The following TRIM44 variants were observed in gnomAD, a reference collection of about 807,000 sequenced individuals.
The protein encoded by TRIM44 is tripartite motif containing 44.
A neutral mutation model predicts 37.4 loss-of-function variants in TRIM44; 13 were observed. The observed-to-expected ratio is 0.35, with a 90% CI of 0.23 to 0.55. The LOEUF (loss-of-function observed/expected upper bound fraction) is 0.55, where lower values mean the gene tolerates loss of function less well. Ranked by LOEUF, TRIM44 falls within the 20% of genes least tolerant of loss-of-function variation. The pLI, the probability that TRIM44 is intolerant of heterozygous loss-of-function variation, is 0.89. For synonymous variants in TRIM44, 175 were observed against 157.2 expected (o/e 1.11, Z -0.85); for missense variants, 426 against 437.2 (o/e 0.97, Z 0.23).
rs564429811 is a variant in TRIM44, at chr11:35,776,346, G to C, written c.1008-30012G>C. ...TTTATTGTGTCTATTTGATTCTTCT[G>C]TTTTCTTCTGTATTAGTCTTTCTAG... is the stretch of plus-strand genomic sequence containing the variant. On this transcript the variant is annotated intron_variant, in intron 4 of 4. Coordinates refer to ENST00000299413, the MANE Select transcript of TRIM44 (RefSeq NM_017583.6). Among the ~76,000 whole-genome samples the C allele has an allele frequency of 1.9e-3, 285 of 151,912 alleles. 2 individuals are homozygous for C. The highest frequency in any genetic ancestry group is 6.6e-3 in the African/African-American group (274 of 41,484).
chr11:35,748,141 G>A (rs1187868497), intron 4 of TRIM44, among the ~76,000 whole-genome samples: 2 of 152,056 alleles, frequency 1.3e-5, no homozygotes, highest in South Asian at 2.1e-4. Flanking sequence ...AATACAGGGG[G>A]CCACATGAAT....
At chr11:35,670,766 C>T (rs1851385028) in intron 1 of TRIM44, among the ~76,000 whole-genome samples, 1 of 152,130 alleles carries the variant, frequency 6.6e-6, no homozygotes, top group South Asian at 2.1e-4. Context: ...CTTGTCATGT[C>T]TCACAGTTTT....
chr11:35,767,428 AATC>A (rs1353104481), intron 4 of TRIM44, among the ~76,000 whole-genome samples: 1 of 152,088 alleles, frequency 6.6e-6, no homozygotes, highest in African/African-American at 2.4e-5. Flanking sequence ...TGCAATAGAT[AATC>A]CTCAGTACTA....
rs571316708 is a variant in TRIM44, at chr11:35,758,264, T to C, written c.1007+22819T>C. Reference sequence around the variant, plus strand: ...TTTGCCATTATGTAATGGCCTTCTTTGTCTCTTTTGATCTTTGTTGGTTTA... The same window carrying C: ...TTTGCCATTATGTAATGGCCTTCTTCGTCTCTTTTGATCTTTGTTGGTTTA... On this transcript the variant is annotated intron_variant, in intron 4 of 4. Transcript: ENST00000299413. Among the ~76,000 whole-genome samples, 10 of 152,358 alleles carry C rather than the reference T, an allele frequency of 6.6e-5. No homozygotes were observed. The South Asian group carries it at 2.1e-3, about 32-fold the overall frequency.
At chr11:35,793,825 T>C (rs1263742509) in intron 4 of TRIM44, among the ~76,000 whole-genome samples, 1 of 152,156 alleles carries the variant, frequency 6.6e-6, no homozygotes, top group South Asian at 2.1e-4. Flanking sequence ...TGTGGGACCT[T>C]GGGATGTTAC....
intron 1 of TRIM44, among the ~76,000 whole-genome samples, chr11:35,668,671 C>A (rs1851358413): frequency 6.6e-6 from 1 of 152,230 alleles, no homozygotes; most frequent in African/African-American, 2.4e-5. Context: ...CTGCAGTGAA[C>A]ATACACGTGC....
rs540892756 is a variant in TRIM44 at position 35,817,732 on chromosome 11, G to T, written c.*11347G>T. ...CCAATGCTGGAGGTGGGACCTGGTG[G>T]GAAGATTGGATCATGGGGGAGTTTT... On this transcript the variant is annotated 3_prime_UTR_variant, in exon 5 of 5. Coordinates refer to ENST00000299413, the MANE Select transcript of TRIM44 (RefSeq NM_017583.6). 97 of 152,272 alleles carry T rather than the reference G, an allele frequency of 6.4e-4. No homozygotes were observed. Among genetic ancestry groups the T allele is most frequent in the African/African-American group, 2.3e-3 (96 of 41,544 alleles). The allele number at this position is 152,272 out of a possible 1,614,324, so 9.4% of individuals were successfully genotyped here.
rs570570305 is a variant in TRIM44 at position 35,787,750 on chromosome 11, A to C, written c.1008-18608A>C. Reference sequence around the variant, plus strand: ...AGAGACACCTGTGGTAGTGAGTGTCAATGTCAGGGAAATGGATTTCATGTT... The same window carrying C: ...AGAGACACCTGTGGTAGTGAGTGTCCATGTCAGGGAAATGGATTTCATGTT... On this transcript the variant is annotated intron_variant, in intron 4 of 4. Coordinates refer to ENST00000299413, the MANE Select transcript of TRIM44 (RefSeq NM_017583.6). Among the ~76,000 whole-genome samples, 51 of 152,268 alleles carry C rather than the reference A, an allele frequency of 3.3e-4. No individual in the cohort carries two copies. In the South Asian group the frequency reaches 7.9e-3, roughly 24 times the overall value.
chr11:35,753,548 T>G (rs556387239), intron 4 of TRIM44, among the ~76,000 whole-genome samples: 2 of 152,322 alleles, frequency 1.3e-5, no homozygotes, highest in South Asian at 4.1e-4. Flanking sequence ...TTAAACCATC[T>G]AGGAGCAGTT....
intron 4 of TRIM44, among the ~76,000 whole-genome samples, chr11:35,737,426 A>G (rs1261091372): frequency 6.6e-6 from 1 of 151,972 alleles, no homozygotes; most frequent in Admixed American, 6.6e-5. Context: ...GCGCACCTAT[A>G]ATTCCAGCTA....
At chr11:35,765,078 A>T (rs1195575961) in intron 4 of TRIM44, among the ~76,000 whole-genome samples, 1 of 152,154 alleles carries the variant, frequency 6.6e-6, no homozygotes, top group Non-Finnish European at 1.5e-5. Context: ...ATGAGAGGCC[A>T]ACTCAGTTGA....
rs1852843045 is a variant in TRIM44 at position 35,769,831 on chromosome 11, A to G, written c.1007+34386A>G. ...AGTGTAAGGAATTAGATGTATTCAG[A>G]CAAATAACTGCAATGGATGATGTCA... is the stretch of plus-strand genomic sequence containing the variant. On this transcript the variant is annotated intron_variant, in intron 4 of 4. Transcript: ENST00000299413. 3.3e-5 allele frequency among the ~76,000 whole-genome samples: 5 copies of G among 152,240 alleles called. No homozygotes were observed. The South Asian group carries it at 1.0e-3, about 32-fold the overall frequency.
chr11:35,706,020 C>G (rs1025688446), intron 2 of TRIM44, among the ~76,000 whole-genome samples: 1 of 148,164 alleles, frequency 6.7e-6, no homozygotes, highest in African/African-American at 2.4e-5. Flanking sequence ...GCTAGCAAGA[C>G]TAATAAAGAA....
chr11:35,776,671 T>A (rs923811666), intron 4 of TRIM44, among the ~76,000 whole-genome samples: 1 of 152,246 alleles, frequency 6.6e-6, no homozygotes, highest in African/African-American at 2.4e-5. Context: ...TTTGTTCTCA[T>A]TGGTTTCAAA....
intron 2 of TRIM44, among the ~76,000 whole-genome samples, chr11:35,700,555 AT>A: frequency 6.6e-6 from 1 of 152,124 alleles, no homozygotes; most frequent in Non-Finnish European, 1.5e-5. Flanking sequence ...TGGTGCATAC[AT>A]TTCCTTTCAT....
chr11:35,711,861 C>T (rs1042214379), intron 2 of TRIM44, among the ~76,000 whole-genome samples: 2 of 152,152 alleles, frequency 1.3e-5, no homozygotes, highest in African/African-American at 4.8e-5. Context: ...CGTGAGGGCA[C>T]CTTCCTCCCC....
At position 35,677,904 on chromosome 11, in the gene TRIM44, A is replaced by G. The variant is rs567802727; in HGVS notation, c.670-7355A>G. Among the ~76,000 whole-genome samples, 30 of 152,278 alleles carry G rather than the reference A, an allele frequency of 2.0e-4. No individual in the cohort carries two copies. In the South Asian group the frequency reaches 5.6e-3, roughly 28 times the overall value. On this transcript the variant is annotated intron_variant, in intron 1 of 4. Transcript: ENST00000299413. ...TGACTGGGATGTGGGAATGAGAGGG[A>G]AGCTTTTTAAGGATCTGAGGACTTT...
chr11:35,663,336 G>A lies in TRIM44; in HGVS notation c.225G>A (p.Gly75=). ...QAWTPPADGE[G]AGKEEAEVKV... Reference sequence around the variant, plus strand: ...GGACCCCGCCAGCTGACGGAGAGGGGGCGGGGAAGGAAGAAGCGGAGGTCA... The same window carrying A: ...GGACCCCGCCAGCTGACGGAGAGGGAGCGGGGAAGGAAGAAGCGGAGGTCA... The change falls in exon 1 of 5, where the codon GGG becomes GGA. Residue 75 remains glycine (G), a synonymous_variant. Transcript: ENST00000299413. 1.2e-6 allele frequency: 2 copies of A among 1,614,078 alleles called. No individual in the cohort carries two copies. The highest frequency in any genetic ancestry group is 2.2e-5 in the South Asian group (2 of 91,068).
intron 3 of TRIM44, among the ~76,000 whole-genome samples, chr11:35,734,990 A>G (rs1852310884): frequency 1.3e-5 from 2 of 152,202 alleles, no homozygotes; most frequent in African/African-American, 4.8e-5. Context: ...TTAGAATTGC[A>G]GTGTTCATGT....
Sources: allele counts gnomAD v4.1 joint callset (sites outside exome capture counted in the v4.1 genomes callset), GRCh38; gene constraint gnomAD v4.1.1; transcripts MANE v1.5; gene names NCBI Gene and HGNC (gene_info 2026-07-23, HGNC 2026-07-21).